MACROD2: variants seen among roughly 807,000 people sequenced by gnomAD.
MACROD2 encodes ADP-ribose glycohydrolase MACROD2.
MACROD2 carries 36 observed loss-of-function variants against 70.4 expected under a neutral mutation model. The observed-to-expected ratio is 0.51, with a 90% CI of 0.39 to 0.68. MACROD2 has a LOEUF of 0.68. Ranked by LOEUF, MACROD2 falls within the 30% of genes least tolerant of loss-of-function variation. The pLI is 0.00. For missense variants in MACROD2, 496 were observed against 538.4 expected (o/e 0.92, Z 0.78); for synonymous variants, 172 against 178.8 (o/e 0.96, Z 0.30).
chr20:15,973,541 C>G (rs112792673), intron 13 of MACROD2, among the ~76,000 whole-genome samples: 1,793 of 152,206 alleles, frequency 0.012, 33 homozygotes, highest in African/African-American at 0.04. Flanking sequence ...GATCACATGA[C>G]AGTATACTCA....
intron 3 of MACROD2, among the ~76,000 whole-genome samples, chr20:14,090,602 G>A (rs2148672291): frequency 6.6e-6 from 1 of 150,480 alleles, no homozygotes; most frequent in African/African-American, 2.4e-5. Flanking sequence ...CCCTCATGCT[G>A]CCACCTTTGT....
chr20:14,101,661 A>G (rs2054303620), intron 3 of MACROD2, among the ~76,000 whole-genome samples: 1 of 151,862 alleles, frequency 6.6e-6, no homozygotes, highest in Non-Finnish European at 1.5e-5. Flanking sequence ...AAACAGAAAA[A>G]CCCACCTCAT....
At chr20:15,632,686 T>C (rs1161167832) in intron 8 of MACROD2, among the ~76,000 whole-genome samples, 3 of 152,208 alleles carry the variant, frequency 2.0e-5, no homozygotes, top group Non-Finnish European at 2.9e-5. Context: ...TGAGGTTTCA[T>C]AGGAATAACC....
intron 5 of MACROD2, among the ~76,000 whole-genome samples, chr20:14,770,420 A>G (rs1020476384): frequency 3.9e-5 from 6 of 152,102 alleles, no homozygotes; most frequent in African/African-American, 1.5e-4. Flanking sequence ...AATAAACAAA[A>G]AATAAAACTA....
chr20:14,869,064 T>C (rs2073459118), intron 5 of MACROD2, among the ~76,000 whole-genome samples: 1 of 152,076 alleles, frequency 6.6e-6, no homozygotes, highest in Non-Finnish European at 1.5e-5. Flanking sequence ...CACCAAACCT[T>C]GAGTGGCCCT....
intron 4 of MACROD2, among the ~76,000 whole-genome samples, chr20:14,575,017 C>CAA (rs1195216470): frequency 0.01 from 510 of 49,890 alleles, 15 homozygotes; most frequent in African/African-American, 0.026. Context: ...GACTCTGTCT[C>CAA]AAAAAAAAAA....
intron 15 of MACROD2, among the ~76,000 whole-genome samples, chr20:16,023,582 G>A (rs1440977776): frequency 6.6e-6 from 1 of 151,940 alleles, no homozygotes; most frequent in Admixed American, 6.6e-5. Flanking sequence ...GGCAATCCGA[G>A]GAAGCACATG....
chr20:14,913,327 G>A (rs887648201), intron 5 of MACROD2, among the ~76,000 whole-genome samples: 5 of 152,046 alleles, frequency 3.3e-5, no homozygotes, highest in African/African-American at 1.2e-4. Flanking sequence ...CATCATTTAT[G>A]GATTGTACTT....
chr20:16,037,430 G>A (rs2067250486), intron 15 of MACROD2, among the ~76,000 whole-genome samples: 1 of 151,868 alleles, frequency 6.6e-6, no homozygotes, highest in South Asian at 2.1e-4. Context: ...ATCAGCTACA[G>A]GTACCTCTAG....
chr20:14,209,696 A>T (rs1421532373), intron 3 of MACROD2, among the ~76,000 whole-genome samples: 1 of 152,120 alleles, frequency 6.6e-6, no homozygotes. Context: ...AGGTTACCCT[A>T]GGTACTGTAG....
chr20:15,775,579 A>T (rs567377222), intron 8 of MACROD2, among the ~76,000 whole-genome samples: 2 of 152,198 alleles, frequency 1.3e-5, no homozygotes, highest in East Asian at 3.9e-4. Context: ...CCAAGAGATG[A>T]TCTGTTCGGT....
chr20:14,160,642 C>A (rs1036795079), intron 3 of MACROD2, among the ~76,000 whole-genome samples: 1 of 151,768 alleles, frequency 6.6e-6, no homozygotes, highest in African/African-American at 2.4e-5. Context: ...AGTAGCTTAT[C>A]AATTTTGTTT....
chr20:15,794,046 C>A lies in MACROD2; in HGVS notation c.646-68699C>A, dbSNP rs149465742. Among the ~76,000 whole-genome samples, 286 of 151,532 alleles carry A rather than the reference C, an allele frequency of 1.9e-3. 3 individuals carry two copies. The highest frequency in any genetic ancestry group is 6.1e-3 in the African/African-American group (254 of 41,434). The stretch of plus-strand genomic sequence containing the variant: ...GCATGCAACAGCTATCATAGAGAAC[C>A]ACTTAAGATGACAGACAACATGGCA... On this transcript the variant is annotated intron_variant, in intron 8 of 17. Transcript: ENST00000684519.
rs1302363916 is a variant in MACROD2 at position 15,771,388 on chromosome 20, G to A, written c.646-91357G>A. On this transcript the variant is annotated intron_variant, in intron 8 of 17. Transcript: ENST00000684519. ...TGTAAAGATGGGATTTTGCCATGTA[G>A]TTCAGGCTGGTCTCAAATTCCTGGG... Among the ~76,000 whole-genome samples the A allele has an allele frequency of 4.0e-5, 6 of 149,524 alleles. No individual in the cohort carries two copies. The East Asian group carries it at 7.8e-4, about 19-fold the overall frequency.
intron 4 of MACROD2, among the ~76,000 whole-genome samples, chr20:14,651,366 A>G (rs1252888872): frequency 6.6e-6 from 1 of 152,176 alleles, no homozygotes; most frequent in Non-Finnish European, 1.5e-5. Flanking sequence ...ATTAGTTAGA[A>G]CTAGACCCTG....
At chr20:15,928,465 A>T (rs780147143) in intron 10 of MACROD2, among the ~76,000 whole-genome samples, 1 of 152,178 alleles carries the variant, frequency 6.6e-6, no homozygotes, top group Non-Finnish European at 1.5e-5. Context: ...TACATATCTT[A>T]CCCAGACAAT....
intron 5 of MACROD2, among the ~76,000 whole-genome samples, chr20:15,052,540 T>C (rs1015767809): frequency 5.3e-5 from 8 of 152,198 alleles, no homozygotes; most frequent in African/African-American, 1.9e-4. Context: ...ATTGTCATTG[T>C]TTTGGGGTGC....
In MACROD2 at chr20:16,052,281, A is replaced by C. The variant is rs1199079264; in HGVS notation, c.*2405A>C. The C allele has an allele frequency of 2.0e-5, 3 of 152,208 alleles. No individual in the cohort carries two copies. The highest frequency in any genetic ancestry group is 6.5e-5 in the Admixed American group (1 of 15,284). The allele number at this position is 152,208 out of a possible 1,614,324, so 9.4% of individuals were successfully genotyped here. On this transcript the variant is annotated 3_prime_UTR_variant, in exon 18 of 18. Transcript: ENST00000684519. The stretch of plus-strand genomic sequence containing the variant: ...ATATTAACAATCTAACTATAGCCAG[A>C]TCAAAGACACCTGAACACAGAAAAC...
Position 15,370,330 on chromosome 20 carries a change from T to C in MACROD2, c.541-61075T>C, listed in dbSNP as rs79991862. Among the ~76,000 whole-genome samples, 1,072 of 152,146 alleles carry C rather than the reference T, an allele frequency of 7.0e-3. 8 individuals are homozygous for C. The highest frequency in any genetic ancestry group is 7.7e-3 in the Non-Finnish European group (524 of 67,926). On this transcript the variant is annotated intron_variant, in intron 6 of 17. Transcript: ENST00000684519. ...ACTTTTTAGTTTTGAAAAATGTAAG[T>C]CTGAGCTTCATTAACTAGCACTTAT... is the stretch of plus-strand genomic sequence containing the variant.
Sources: allele counts gnomAD v4.1 joint callset (sites outside exome capture counted in the v4.1 genomes callset), GRCh38; gene constraint gnomAD v4.1.1; transcripts MANE v1.5; gene names NCBI Gene and HGNC (gene_info 2026-07-23, HGNC 2026-07-21).